Variants in ITGA11 observed in about 807,000 individuals in gnomAD.
ITGA11 encodes integrin subunit alpha 11, also known as integrin alpha-11.
A neutral mutation model predicts 141.9 loss-of-function variants in ITGA11; 97 were observed. The ratio of observed to expected loss-of-function variants is 0.68; its 90% CI spans 0.58 to 0.81. The LOEUF (loss-of-function observed/expected upper bound fraction) is 0.81, where lower values mean the gene tolerates loss of function less well. Among genes scored for constraint, ITGA11 ranks in the 30% least tolerant of loss-of-function variants. ITGA11 has a pLI of 0.00. For synonymous variants in ITGA11, 658 were observed against 624.6 expected (o/e 1.05, Z -0.80); for missense variants, 1,387 against 1,559.2 (o/e 0.89, Z 1.86).
chr15:68,356,131 T>C (rs1258341495), intron 7 of ITGA11, among the ~76,000 whole-genome samples: 1 of 152,092 alleles, frequency 6.6e-6, no homozygotes, highest in Non-Finnish European at 1.5e-5. Flanking sequence ...AGTCTTGCTC[T>C]GTTCACCAGG....
intron 1 of ITGA11, among the ~76,000 whole-genome samples, 178 bp downstream of exon 1, chr15:68,431,837 C>A (rs532606241): frequency 1.3e-5 from 2 of 152,356 alleles, no homozygotes; most frequent in African/African-American, 2.4e-5. Context: ...CCCTCTTTAG[C>A]GAAACTTGAC....
At chr15:68,366,310 A>G (rs1405446808) in intron 3 of ITGA11, among the ~76,000 whole-genome samples, 2 of 152,112 alleles carry the variant, frequency 1.3e-5, no homozygotes, top group East Asian at 3.9e-4. Context: ...AGATGAGAAC[A>G]TTGAGGTGTA....
intron 1 of ITGA11, among the ~76,000 whole-genome samples, chr15:68,414,350 G>A (rs554793032): frequency 6.6e-5 from 10 of 152,290 alleles, no homozygotes; most frequent in African/African-American, 2.4e-4. Flanking sequence ...TAAGGTCAAA[G>A]GCCACAGGAT....
chr15:68,350,794 C>G lies in ITGA11; in HGVS notation c.895-12G>C. 6.2e-7 allele frequency: 1 copy of G among 1,607,678 alleles called. No individual in the cohort carries two copies. Among genetic ancestry groups the G allele is most frequent in the Non-Finnish European group, 8.5e-7 (1 of 1,176,588 alleles). On this transcript the variant is annotated splice_polypyrimidine_tract_variant and intron_variant, in intron 8 of 29. Transcript: ENST00000315757. Reference sequence around the variant, plus strand: ...TAGTAGCCCAGGACCTGCCAGGGAACAGGGGCAGGAACCACAAACCAGAAC... The same window carrying G: ...TAGTAGCCCAGGACCTGCCAGGGAAGAGGGGCAGGAACCACAAACCAGAAC...
chr15:68,431,188 G>A (rs1166295281), intron 1 of ITGA11, among the ~76,000 whole-genome samples: 1 of 152,234 alleles, frequency 6.6e-6, no homozygotes, highest in Non-Finnish European at 1.5e-5. Context: ...GGAGAGCTCA[G>A]GGCTGGCTTC....
intron 18 of ITGA11, among the ~76,000 whole-genome samples, chr15:68,323,947 G>T (rs1041186881): frequency 2.0e-5 from 3 of 152,206 alleles, no homozygotes; most frequent in Non-Finnish European, 4.4e-5. Flanking sequence ...GGATTACCCT[G>T]TGTGTTAATC....
In ITGA11 at chr15:68,326,634, T is replaced by G; in HGVS notation, c.2211+20A>C. 1 of 1,576,822 alleles carries G rather than the reference T, an allele frequency of 6.3e-7. No homozygotes were observed. The highest frequency in any genetic ancestry group is 1.3e-5 in the African/African-American group (1 of 74,134). On this transcript the variant is annotated intron_variant, in intron 17 of 29. Transcript: ENST00000315757. The surrounding 1 kb of genome is among the most constrained non-coding windows in gnomAD (Gnocchi z 6.8). Reference sequence around the variant, plus strand: ...CTTCCTATAGGAGCTTGGGCTCTGCTGGTGGGGCTGCCAGCTTACCAGGAC... The same window carrying G: ...CTTCCTATAGGAGCTTGGGCTCTGCGGGTGGGGCTGCCAGCTTACCAGGAC...
chr15:68,355,108 T>C (rs952886326), intron 7 of ITGA11, among the ~76,000 whole-genome samples: 2 of 152,200 alleles, frequency 1.3e-5, no homozygotes, highest in Non-Finnish European at 2.9e-5. Flanking sequence ...GCTTTATCCC[T>C]GTATGAGTCA....
chr15:68,378,274 C>CTTTTTAAA (rs1555451708), intron 2 of ITGA11, among the ~76,000 whole-genome samples: 1 of 150,952 alleles, frequency 6.6e-6, no homozygotes, highest in Non-Finnish European at 1.5e-5. Flanking sequence ...CAGTGTTATA[C>CTTTTTAAA]CGTTCTCCTG....
intron 1 of ITGA11, among the ~76,000 whole-genome samples, chr15:68,413,688 C>T (rs999864800): frequency 6.6e-5 from 10 of 152,268 alleles, no homozygotes; most frequent in Middle Eastern, 3.4e-3. Flanking sequence ...AGACCCACCA[C>T]GGCACATGTC....
chr15:68,375,239 C>CT (rs2140368591), intron 2 of ITGA11, among the ~76,000 whole-genome samples: 1 of 152,316 alleles, frequency 6.6e-6, no homozygotes, highest in South Asian at 2.1e-4. Context: ...CCCTTTGTCT[C>CT]TTTTTTCTCC....
chr15:68,409,287 C>T (rs1595895649), intron 1 of ITGA11, among the ~76,000 whole-genome samples: 2 of 152,194 alleles, frequency 1.3e-5, no homozygotes, highest in African/African-American at 4.8e-5. Context: ...TCCCTTCTGC[C>T]TTGCTCTTAG....
Position 68,335,797 on chromosome 15 carries a change from A to T in ITGA11, c.1325T>A (p.Val442Glu). ...VVSSRQGRVYVAGAPRFNHTG... is the reference protein window; with the variant it reads ...VVSSRQGRVYEAGAPRFNHTG... Reference sequence around the variant, plus strand: ...GTGGTTGAACCGGGGGGCTCCGGCCACGTACACCCGCCCCTGCCTGGAGGA... The same window carrying T: ...GTGGTTGAACCGGGGGGCTCCGGCCTCGTACACCCGCCCCTGCCTGGAGGA... Residue 442 changes from valine to glutamate, a missense_variant, in exon 12 of 30, where the codon GTG (valine) becomes GAG (glutamate). Physicochemically the swap from Val to Glu is moderately radical, Grantham distance 121 (BLOSUM62 -2). Transcript: ENST00000315757. The surrounding 1 kb of genome is among the most constrained non-coding windows in gnomAD (Gnocchi z 4.9). The T allele has an allele frequency of 6.2e-7, 1 of 1,613,408 alleles. No homozygotes were observed. The highest frequency in any genetic ancestry group is 8.5e-7 in the Non-Finnish European group (1 of 1,179,674).
intron 1 of ITGA11, among the ~76,000 whole-genome samples, chr15:68,409,123 G>A (rs1487762012): frequency 6.6e-6 from 1 of 152,132 alleles, no homozygotes; most frequent in Non-Finnish European, 1.5e-5. Flanking sequence ...TGCCCATGCT[G>A]TTCACCATGC....
At chr15:68,369,746 G>A (rs1895530389) in intron 2 of ITGA11, among the ~76,000 whole-genome samples, 1 of 152,232 alleles carries the variant, frequency 6.6e-6, no homozygotes, top group East Asian at 1.9e-4. Flanking sequence ...CATCTTACAG[G>A]GAAGCCTTAA....
rs775972505 is a variant in ITGA11, at chr15:68,311,272, T to C, written c.3087+18A>G. The stretch of plus-strand genomic sequence containing the variant: ...CTTCTGGTCCCCTCCCCTAGCCGGC[T>C]CCCAAGGCCATCACCACCTCGTCCG... On this transcript the variant is annotated intron_variant, in intron 25 of 29. Transcript: ENST00000315757. The C allele has an allele frequency of 1.3e-6, 2 of 1,529,410 alleles. No homozygotes were observed. Among genetic ancestry groups the C allele is most frequent in the Non-Finnish European group, 1.8e-6 (2 of 1,125,120 alleles). 94.7% of individuals were successfully genotyped at this position (1,529,410 alleles called of 1,614,324 possible).
rs1894062627 is a variant in ITGA11, at chr15:68,328,740, C to T, written c.1902-478G>A. Among the ~76,000 whole-genome samples the T allele has an allele frequency of 6.6e-6, 1 of 152,164 alleles. No homozygotes were observed. Among genetic ancestry groups the T allele is most frequent in the Non-Finnish European group, 1.5e-5 (1 of 68,030 alleles). The stretch of plus-strand genomic sequence containing the variant: ...ATATGTGTGCACGCCCCCTGGGGAT[C>T]ATGTTAAAATGCAGATTTTGATCCA... On this transcript the variant is annotated intron_variant, in intron 15 of 29. Transcript: ENST00000315757. This position sits in a 1 kb window ranked among gnomAD's most constrained non-coding sequence, Gnocchi z 4.8.
intron 10 of ITGA11, among the ~76,000 whole-genome samples, chr15:68,340,510 A>C (rs578248791): frequency 6.6e-6 from 1 of 152,250 alleles, no homozygotes; most frequent in Non-Finnish European, 1.5e-5. Context: ...AGGGGCAGAG[A>C]GCCTTGACAT....
chr15:68,413,298 C>T (rs1238257036), intron 1 of ITGA11, among the ~76,000 whole-genome samples: 1 of 152,162 alleles, frequency 6.6e-6, no homozygotes, highest in Non-Finnish European at 1.5e-5. Context: ...TCCAAGGTCA[C>T]CAGCCTCTCT....
Sources: allele counts gnomAD v4.1 joint callset (sites outside exome capture counted in the v4.1 genomes callset), GRCh38; gene constraint gnomAD v4.1.1; non-coding constraint Gnocchi (gnomAD v3.1); transcripts MANE v1.5; gene names NCBI Gene and HGNC (gene_info 2026-07-23, HGNC 2026-07-21).